The following ANKFY1 variants were observed in gnomAD, a reference collection of about 807,000 sequenced individuals.
ANKFY1 encodes ankyrin repeat and FYVE domain-containing protein 1.
A neutral mutation model predicts 128.3 loss-of-function variants in ANKFY1; 47 were observed. The ratio of observed to expected loss-of-function variants is 0.37; its 90% CI spans 0.29 to 0.47. The LOEUF (loss-of-function observed/expected upper bound fraction) is 0.47. ANKFY1 is among the 20% of genes least tolerant of loss of function. The pLI is 1.00. For synonymous variants in ANKFY1, 553 were observed against 601.6 expected (o/e 0.92, Z 1.18); for missense variants, 1,222 against 1,510.6 (o/e 0.81, Z 3.17).
At chr17:4,239,900 G>A (rs1012714987) in intron 2 of ANKFY1, among the ~76,000 whole-genome samples, 2 of 151,970 alleles carry the variant, frequency 1.3e-5, no homozygotes, top group African/African-American at 2.4e-5. Context: ...CCCCCTAGTG[G>A]CTCAAGTCCT....
rs1461988198 is a variant in ANKFY1, at chr17:4,181,056, T to TGTGAGCTCCTCCCGTCACAA, written c.2240+178_2240+197dup. The TGTGAGCTCCTCCCGTCACAA allele has an allele frequency of 4.9e-5, 27 of 556,172 alleles. 1 individual carries two copies. In the Admixed American group the frequency reaches 7.5e-4, roughly 16 times the overall value. 34.5% of individuals were successfully genotyped at this position (556,172 alleles called of 1,614,324 possible). On this transcript the variant is annotated intron_variant, in intron 16 of 24. Transcript: ENST00000341657. This position sits in a 1 kb window ranked among gnomAD's most constrained non-coding sequence, Gnocchi z 4.9. ...GCTTTCAGATTCTTTGATTCAGGGC[T>TGTGAGCTCCTCCCGTCACAA]GTGAGCTCCTCCCGTCACAAGTGAG...
Position 4,242,462 on chromosome 17 carries a change from G to GCC in ANKFY1, c.11-15_11-14insGG. ...TGGCCACCTCCTCTGCAAGGAAAACGAAGAATCAAGTTCACCGTGGCTGCT... is the reference window on the plus strand; with the variant it reads ...TGGCCACCTCCTCTGCAAGGAAAACGCCAAGAATCAAGTTCACCGTGGCTGCT... On this transcript the variant is annotated splice_polypyrimidine_tract_variant and intron_variant, in intron 1 of 24. Transcript: ENST00000341657. 4 of 1,531,482 alleles carry GCC rather than the reference G, an allele frequency of 2.6e-6. No individual in the cohort carries two copies. The highest frequency in any genetic ancestry group is 3.5e-6 in the Non-Finnish European group (4 of 1,141,742). The allele number at this position is 1,531,482 out of a possible 1,614,324, so 94.9% of individuals were successfully genotyped here. A position where few individuals can be genotyped will look rare whatever the true frequency, so the allele number is the denominator to read the frequency against.
At position 4,208,047 on chromosome 17, in the gene ANKFY1, G is replaced by C; in HGVS notation, c.618C>G (p.Ser206Arg). 1.2e-6 allele frequency: 2 copies of C among 1,609,520 alleles called. No homozygotes were observed. Residue 206 changes from serine to arginine, a missense_variant, in exon 6 of 25, where the codon AGC becomes AGG. Physicochemically the swap from Ser to Arg is moderately radical, Grantham distance 110 (BLOSUM62 -1). Coordinates refer to ENST00000341657, the MANE Select transcript of ANKFY1 (RefSeq NM_001330063.2). Reference sequence around the variant, plus strand: ...TGATCATTTTGTATAACAACTGAGCGCTCATGCTGCTGAAATCCTCCTTCC... The same window carrying C: ...TGATCATTTTGTATAACAACTGAGCCCTCATGCTGCTGAAATCCTCCTTCC... ...DLRKEDFSSM[S>R]AQLLYKMIKS...
At chr17:4,183,013 C>T (rs1056002912) in intron 14 of ANKFY1, among the ~76,000 whole-genome samples, 5 of 151,878 alleles carry the variant, frequency 3.3e-5, no homozygotes, top group East Asian at 1.9e-4. Flanking sequence ...GGCTGAGGCA[C>T]GAGAAATGCT....
chr17:4,172,030 G>A (rs1009630887), intron 22 of ANKFY1, among the ~76,000 whole-genome samples: 8 of 152,154 alleles, frequency 5.3e-5, no homozygotes, highest in African/African-American at 1.9e-4. Context: ...AAACGAACGC[G>A]AGAGTCACCG....
chr17:4,233,554 C>T (rs570460205), intron 3 of ANKFY1, among the ~76,000 whole-genome samples: 1 of 152,324 alleles, frequency 6.6e-6, no homozygotes, highest in African/African-American at 2.4e-5. Context: ...TAGAAATTAT[C>T]ATAAAGAGAC....
At chr17:4,229,191 C>A (rs8073211) in intron 3 of ANKFY1, among the ~76,000 whole-genome samples, 152,010 of 152,324 alleles carry the variant, frequency 1, 75,851 homozygotes, top group Middle Eastern at 1. Context: ...TGGGGGGCCG[C>A]AGTGGGTGGA....
intron 11 of ANKFY1, 95 bp downstream of exon 11, chr17:4,189,287 A>G (rs1046404621): frequency 9.2e-7 from 1 of 1,088,006 alleles, no homozygotes; most frequent in African/African-American, 1.6e-5. Context: ...TAAAAACTGA[A>G]AAAAACCACC....
chr17:4,253,260 T>C (rs1567981009), intron 1 of ANKFY1, among the ~76,000 whole-genome samples: 1 of 151,956 alleles, frequency 6.6e-6, no homozygotes, highest in Non-Finnish European at 1.5e-5. Flanking sequence ...CTAGGCAAAC[T>C]ATAGCAAGAG....
intron 1 of ANKFY1, among the ~76,000 whole-genome samples, chr17:4,251,535 T>TAA (rs71144176): frequency 3.8e-5 from 5 of 130,890 alleles, no homozygotes; most frequent in East Asian, 4.5e-4. Context: ...AAATAAAAAT[T>TAA]AAAAAAAAAA....
At chr17:4,240,088 A>AG (rs1430325763) in intron 2 of ANKFY1, among the ~76,000 whole-genome samples, 2 of 138,728 alleles carry the variant, frequency 1.4e-5, no homozygotes, top group Non-Finnish European at 3.1e-5. Context: ...TTTTTGAGAC[A>AG]GGGTCTCGCC....
intron 4 of ANKFY1, among the ~76,000 whole-genome samples, chr17:4,211,844 C>T (rs982626060): frequency 4.6e-5 from 7 of 151,982 alleles, no homozygotes; most frequent in African/African-American, 9.7e-5. Flanking sequence ...CGTGATCGCA[C>T]CACTGTACGC....
At chr17:4,168,407 C>T (rs555698074) in intron 24 of ANKFY1, among the ~76,000 whole-genome samples, 34 of 152,224 alleles carry the variant, frequency 2.2e-4, no homozygotes, top group African/African-American at 7.9e-4. Context: ...AAGCCGAGCT[C>T]GTGTCACTGT....
At chr17:4,262,347 C>A (rs1026675222) in intron 1 of ANKFY1, among the ~76,000 whole-genome samples, 1 of 152,192 alleles carries the variant, frequency 6.6e-6, no homozygotes, top group Non-Finnish European at 1.5e-5. Flanking sequence ...CTGTAACCTC[C>A]GTTTTCCGGG....
chr17:4,209,058 T>G (rs2060077795), intron 5 of ANKFY1, among the ~76,000 whole-genome samples: 1 of 32,130 alleles, frequency 3.1e-5, no homozygotes, highest in South Asian at 7.9e-3. Flanking sequence ...AAACTCAGTC[T>G]CAAAAAAAAA....
chr17:4,201,960 G>A (rs1290609991), intron 7 of ANKFY1, among the ~76,000 whole-genome samples: 1 of 152,070 alleles, frequency 6.6e-6, no homozygotes, highest in Non-Finnish European at 1.5e-5. Flanking sequence ...TCCTAGAGAC[G>A]GCCACTTACA....
intron 3 of ANKFY1, among the ~76,000 whole-genome samples, chr17:4,234,592 T>G (rs1039514615): frequency 2.0e-5 from 3 of 151,992 alleles, no homozygotes; most frequent in Non-Finnish European, 1.5e-5. Flanking sequence ...TAGCTCACTG[T>G]GGCCTCAAAC....
At position 4,166,236 on chromosome 17, in the gene ANKFY1, A is replaced by G. The variant is rs1034931963; in HGVS notation, c.*1543T>C. ...AGAATGTATAAATCTACCGCAATAC[A>G]GAGGACACACTATCCAGAAAAGAAT... On this transcript the variant is annotated 3_prime_UTR_variant, in exon 25 of 25. Coordinates refer to ENST00000341657, the MANE Select transcript of ANKFY1 (RefSeq NM_001330063.2). The G allele has an allele frequency of 6.6e-6, 1 of 152,248 alleles. No homozygotes were observed. The highest frequency in any genetic ancestry group is 1.5e-5 in the Non-Finnish European group (1 of 68,040). 9.4% of individuals were successfully genotyped at this position (152,248 alleles called of 1,614,324 possible). A position where few individuals can be genotyped will look rare whatever the true frequency, so the allele number is the denominator to read the frequency against.
chr17:4,233,992 A>G (rs1048199403), intron 3 of ANKFY1, among the ~76,000 whole-genome samples: 10 of 152,246 alleles, frequency 6.6e-5, no homozygotes, highest in Admixed American at 5.2e-4. Flanking sequence ...CCGTAAAATT[A>G]TAATATTGTA....
Sources: gnomAD v4.1 joint callset for allele counts (sites outside exome capture counted in the v4.1 genomes callset) on GRCh38, gnomAD v4.1.1 for gene constraint, Gnocchi (gnomAD v3.1) non-coding constraint, MANE v1.5 for transcripts, NCBI Gene and HGNC (gene_info 2026-07-23, HGNC 2026-07-21) for gene names.